ADAMTS16: variants seen among roughly 807,000 people sequenced by gnomAD.
ADAMTS16 encodes A disintegrin and metalloproteinase with thrombospondin motifs 16.
Under a neutral mutation model 145.8 loss-of-function variants are expected in ADAMTS16, and 94 were observed. That is an observed-to-expected ratio of 0.64 (90% CI 0.55 to 0.77). ADAMTS16 has a LOEUF of 0.77. Ranked by LOEUF, ADAMTS16 falls within the 30% of genes least tolerant of loss-of-function variation. The pLI, the probability that ADAMTS16 is intolerant of heterozygous loss-of-function variation, is 0.00. For synonymous variants in ADAMTS16, 659 were observed against 604.3 expected (o/e 1.09, Z -1.33); for missense variants, 1,585 against 1,591.5 (o/e 1.00, Z 0.07).
intron 10 of ADAMTS16, among the ~76,000 whole-genome samples, chr5:5,209,584 C>A (rs1230546234): frequency 6.6e-6 from 1 of 152,062 alleles, no homozygotes. Context: ...TTTAAAAAAA[C>A]GAAGTCCCCC....
intron 3 of ADAMTS16, among the ~76,000 whole-genome samples, chr5:5,168,435 A>G (rs1384277473): frequency 6.9e-6 from 1 of 145,162 alleles, no homozygotes; most frequent in Non-Finnish European, 1.5e-5. Context: ...ACTTTTTAAA[A>G]ACTCTTCAAG....
chr5:5,195,059 A>G (rs1009140226), intron 8 of ADAMTS16, among the ~76,000 whole-genome samples: 1 of 152,216 alleles, frequency 6.6e-6, no homozygotes, highest in Non-Finnish European at 1.5e-5. Context: ...TTTTAAAAAA[A>G]TCTCAAAATA....
At chr5:5,260,022 C>G (rs1168009421) in intron 17 of ADAMTS16, among the ~76,000 whole-genome samples, 1 of 152,332 alleles carries the variant, frequency 6.6e-6, no homozygotes. Context: ...TCTTTTAGAA[C>G]AGATGTTGAA....
At chr5:5,242,893 A>G (rs182986878) in intron 17 of ADAMTS16, among the ~76,000 whole-genome samples, 1 of 152,316 alleles carries the variant, frequency 6.6e-6, no homozygotes, top group East Asian at 1.9e-4. Context: ...AACATAGTAA[A>G]TTCTATCTGA....
At chr5:5,246,163 G>A (rs1050568197) in intron 17 of ADAMTS16, among the ~76,000 whole-genome samples, 1 of 152,018 alleles carries the variant, frequency 6.6e-6, no homozygotes, top group African/African-American at 2.4e-5. Flanking sequence ...CAATTCACTT[G>A]GCCCAATGTA....
chr5:5,312,145 T>C (rs964717816), intron 21 of ADAMTS16, among the ~76,000 whole-genome samples: 3 of 152,132 alleles, frequency 2.0e-5, no homozygotes, highest in Non-Finnish European at 4.4e-5. Context: ...AGAAGCAGCT[T>C]GTAAAGAGCT....
chr5:5,308,476 G>A (rs1409547992), intron 21 of ADAMTS16, among the ~76,000 whole-genome samples: 1 of 152,140 alleles, frequency 6.6e-6, no homozygotes. Flanking sequence ...ACCAGGTGTT[G>A]CTGTGAGCTA....
intron 17 of ADAMTS16, among the ~76,000 whole-genome samples, chr5:5,254,144 A>C (rs1242474101): frequency 2.0e-5 from 3 of 151,982 alleles, no homozygotes; most frequent in Non-Finnish European, 4.4e-5. Context: ...TTTTACATTC[A>C]GGCTTGATTT....
chr5:5,296,274 A>G (rs761516037), intron 18 of ADAMTS16, among the ~76,000 whole-genome samples: 1 of 152,230 alleles, frequency 6.6e-6, no homozygotes, highest in Non-Finnish European at 1.5e-5. Flanking sequence ...AGGGCTGTGC[A>G]GGACCAGACA....
chr5:5,211,971 G>A (rs547052033), intron 10 of ADAMTS16, among the ~76,000 whole-genome samples: 1 of 151,990 alleles, frequency 6.6e-6, no homozygotes, highest in South Asian at 2.1e-4. Context: ...GATCTGTCTT[G>A]GTGAACATTC....
intron 6 of ADAMTS16, among the ~76,000 whole-genome samples, chr5:5,188,413 C>T (rs6555333): frequency 0.68 from 102,803 of 152,022 alleles, 35,191 homozygotes; most frequent in East Asian, 0.81. Flanking sequence ...TTGGGACCCC[C>T]GTAAATGCAT....
In ADAMTS16 at chr5:5,146,336, T is replaced by A; in HGVS notation, c.382T>A (p.Leu128Met). 1 of 1,614,164 alleles carries A rather than the reference T, an allele frequency of 6.2e-7. No homozygotes were observed. The highest frequency in any genetic ancestry group is 8.5e-7 in the Non-Finnish European group (1 of 1,180,018). Reference sequence around the variant, plus strand: ...GGCTCCTGGCTTTATTGTGCAGACGTTGGGAAAGACAGGCACTAAGTCTGT... The same window carrying A: ...GGCTCCTGGCTTTATTGTGCAGACGATGGGAAAGACAGGCACTAAGTCTGT... The part of the protein sequence containing the change: ...LVAPGFIVQT[L>M]GKTGTKSVQT... The change falls in exon 3 of 23, where the codon TTG (leucine) becomes ATG (methionine). Residue 128 changes from leucine to methionine, a missense_variant. By Grantham distance (15) the Leu-to-Met change is conservative. Transcript: ENST00000274181.
chr5:5,206,572 C>T (rs1050023019), intron 9 of ADAMTS16, among the ~76,000 whole-genome samples: 33 of 151,250 alleles, frequency 2.2e-4, no homozygotes, highest in South Asian at 2.1e-4. Context: ...CTCTGCCTTC[C>T]GGGTTCAAGC....
chr5:5,148,717 A>T (rs757317561), intron 3 of ADAMTS16, among the ~76,000 whole-genome samples: 1 of 152,232 alleles, frequency 6.6e-6, no homozygotes, highest in Non-Finnish European at 1.5e-5. Context: ...ATAATACATT[A>T]AATCTCATGT....
chr5:5,313,231 T>G (rs1740527468), intron 21 of ADAMTS16, among the ~76,000 whole-genome samples: 1 of 152,204 alleles, frequency 6.6e-6, no homozygotes, highest in South Asian at 2.1e-4. Flanking sequence ...ATAGCACTTG[T>G]GCCCAAGTCT....
chr5:5,178,707 C>T (rs551754925), intron 3 of ADAMTS16, among the ~76,000 whole-genome samples: 1 of 152,296 alleles, frequency 6.6e-6, no homozygotes, highest in African/African-American at 2.4e-5. Flanking sequence ...AATCTGCCAA[C>T]TGCAGCTGGA....
At chr5:5,270,394 T>C (rs1191919475) in intron 18 of ADAMTS16, among the ~76,000 whole-genome samples, 2 of 152,214 alleles carry the variant, frequency 1.3e-5, no homozygotes, top group East Asian at 3.9e-4. Flanking sequence ...CCTGCCTCCC[T>C]GGGCTCGACC....
intron 11 of ADAMTS16, among the ~76,000 whole-genome samples, chr5:5,231,008 G>T (rs574133146): frequency 6.6e-6 from 1 of 152,132 alleles, no homozygotes; most frequent in Non-Finnish European, 1.5e-5. Flanking sequence ...TTTTTAAAAA[G>T]GGGGGAAAAG....
intron 18 of ADAMTS16, among the ~76,000 whole-genome samples, chr5:5,294,888 A>G (rs905084962): frequency 6.6e-6 from 1 of 152,178 alleles, no homozygotes; most frequent in Non-Finnish European, 1.5e-5. Flanking sequence ...CCAGACAGAG[A>G]TGTCTATAAG....
Sources: allele counts gnomAD v4.1 joint callset (sites outside exome capture counted in the v4.1 genomes callset), GRCh38; gene constraint gnomAD v4.1.1; transcripts MANE v1.5; gene names NCBI Gene and HGNC (gene_info 2026-07-23, HGNC 2026-07-21).